Variants in MAMSTR observed in about 807,000 individuals in gnomAD.
The protein encoded by MAMSTR is MEF2-activating motif and SAP domain-containing transcriptional regulator.
A neutral mutation model predicts 42.7 loss-of-function variants in MAMSTR; 41 were observed. The ratio of observed to expected loss-of-function variants is 0.96; its 90% CI spans 0.75 to 1.25. The LOEUF (loss-of-function observed/expected upper bound fraction) is 1.25. Among genes scored for constraint, MAMSTR ranks in the 50% most tolerant of loss-of-function variants. MAMSTR has a pLI of 0.00. For synonymous variants in MAMSTR, 265 were observed against 244.1 expected, an observed-to-expected ratio of 1.09 and a Z score of -0.80; for missense variants, 567 against 557.6, an observed-to-expected ratio of 1.02 and a Z score of -0.17.
intron 3 of MAMSTR, among the ~76,000 whole-genome samples, chr19:48,716,139 A>T (rs2033017496): frequency 6.6e-6 from 1 of 151,914 alleles, no homozygotes; most frequent in South Asian, 2.1e-4. Flanking sequence ...AGTTTGGGAG[A>T]CTGAGGCGGG....
At chr19:48,706,066 A>G in the MAMSTR span, 1 of 151,824 alleles carries the variant, frequency 6.6e-6, no homozygotes, top group South Asian at 2.2e-4. Context: ...CGGGCGGATC[A>G]CCTGAGGTCA....
rs768253167 is a variant in MAMSTR, at chr19:48,713,851, C to A, written c.909+9G>T. On this transcript the variant is annotated intron_variant, in intron 8 of 9. Coordinates refer to ENST00000318083, the MANE Select transcript of MAMSTR (RefSeq NM_001130915.2). ...GAACCCTAGCCGGATTCAACCCACA[C>A]CCTCTTACCTGCGCCCTCCGGATCG... is the stretch of plus-strand genomic sequence containing the variant. 1 of 1,613,948 alleles carries A rather than the reference C, an allele frequency of 6.2e-7. No homozygotes were observed. The highest frequency in any genetic ancestry group is 8.5e-7 in the Non-Finnish European group (1 of 1,179,840).
At chr19:48,709,527 T>G (rs1426746904), downstream of MAMSTR, among the ~76,000 whole-genome samples, 1 of 152,230 alleles carries the variant, frequency 6.6e-6, no homozygotes, top group Non-Finnish European at 1.5e-5. Flanking sequence ...TTGCCAGTTC[T>G]GTGCACCCAG....
At chr19:48,707,863 GAAAGAAAGAAAGAAAGAAAGAAAGA>G (rs2032670958), downstream of MAMSTR, among the ~76,000 whole-genome samples, 2 of 103,522 alleles carry the variant, frequency 1.9e-5, no homozygotes, top group East Asian at 2.1e-4. Context: ...AAGAAAGAAA[GAAAGAAAGAAAGAAAGAAAGAAAGA>G]AAAGAAAGAA....
rs1361666564 is a variant in MAMSTR, at chr19:48,719,275, C to T, written c.-21-223G>A. Among the ~76,000 whole-genome samples the T allele has an allele frequency of 6.6e-6, 1 of 152,114 alleles. No individual in the cohort carries two copies. Among genetic ancestry groups the T allele is most frequent in the Non-Finnish European group, 1.5e-5 (1 of 68,014 alleles). ...AGGAGGAAGCTGGGGACCCAGACAC[C>T]TGGTCTGAAAGACAGGGCTGAGGGT... is the stretch of plus-strand genomic sequence containing the variant. On this transcript the variant is annotated intron_variant, in intron 1 of 9. Coordinates refer to ENST00000318083, the MANE Select transcript of MAMSTR (RefSeq NM_001130915.2). This position sits in a 1 kb window ranked among gnomAD's most constrained non-coding sequence, Gnocchi z 4.4.
chr19:48,711,275 G>A (rs757354253), downstream of MAMSTR, among the ~76,000 whole-genome samples: 2 of 152,122 alleles, frequency 1.3e-5, no homozygotes, highest in African/African-American at 2.4e-5. Flanking sequence ...TAGTTATCCC[G>A]GGGGAGAGGC....
downstream of MAMSTR, among the ~76,000 whole-genome samples, chr19:48,708,773 C>T (rs888246218): frequency 2.1e-4 from 32 of 151,932 alleles, no homozygotes; most frequent in Admixed American, 1.2e-3. Context: ...AGCTGAAAGA[C>T]GAGTGCCCGA....
Position 48,713,985 on chromosome 19 carries a change from T to TC in MAMSTR, c.783dup (p.Thr262AspfsTer46), listed in dbSNP as rs1258804026. ...GGAGTGGGAGTTGGAGCCGGAGCCG[T>TC]CCCCGGGGTATCCGCGGCACGTGGA... On this transcript the variant is annotated frameshift_variant, in exon 8 of 10. Coordinates refer to ENST00000318083, the MANE Select transcript of MAMSTR (RefSeq NM_001130915.2). LOFTEE classifies it high-confidence loss of function. 3.7e-6 allele frequency: 6 copies of TC among 1,612,178 alleles called. No individual in the cohort carries two copies. The highest frequency in any genetic ancestry group is 2.7e-5 in the African/African-American group (2 of 74,838).
Position 48,713,158 on chromosome 19 carries a change from C to G in MAMSTR, c.*109G>C. Reference sequence around the variant, plus strand: ...GGCAGGTGGGGTTGGAGGTTGTCTCCGATCCTGTGTCTGCGGTAGGAGGGG... The same window carrying G: ...GGCAGGTGGGGTTGGAGGTTGTCTCGGATCCTGTGTCTGCGGTAGGAGGGG... On this transcript the variant is annotated 3_prime_UTR_variant, in exon 10 of 10. Transcript: ENST00000318083. 8.8e-7 allele frequency: 1 copy of G among 1,130,502 alleles called. No individual in the cohort carries two copies. The allele number at this position is 1,130,502 out of a possible 1,614,324, so 70.0% of individuals were successfully genotyped here. A position where few individuals can be genotyped will look rare whatever the true frequency, so the allele number is the denominator to read the frequency against.
chr19:48,713,163 C>T lies in MAMSTR; in HGVS notation c.*104G>A, dbSNP rs2032784746. The T allele has an allele frequency of 1.7e-6, 2 of 1,159,342 alleles. No homozygotes were observed. The highest frequency in any genetic ancestry group is 2.9e-5 in the Admixed American group (1 of 34,784). The allele number at this position is 1,159,342 out of a possible 1,614,324, so 71.8% of individuals were successfully genotyped here. A position where few individuals can be genotyped will look rare whatever the true frequency, so the allele number is the denominator to read the frequency against. On this transcript the variant is annotated 3_prime_UTR_variant, in exon 10 of 10. Transcript: ENST00000318083. ...GTGGGGTTGGAGGTTGTCTCCGATC[C>T]TGTGTCTGCGGTAGGAGGGGCTCTG...
rs918110971 is a variant in MAMSTR at position 48,716,592 on chromosome 19, G to A, written c.97+113C>T. 4 of 1,194,564 alleles carry A rather than the reference G, an allele frequency of 3.3e-6. No individual in the cohort carries two copies. The African/African-American group carries it at 6.3e-5, about 19-fold the overall frequency. The allele number at this position is 1,194,564 out of a possible 1,614,324, so 74.0% of individuals were successfully genotyped here. ...GGATGGGATTTTGGTCTGTCCCAGG[G>A]GATGGAGACTGAGCTGCAGGAACCA... On this transcript the variant is annotated intron_variant, in intron 3 of 9. Coordinates refer to ENST00000318083, the MANE Select transcript of MAMSTR (RefSeq NM_001130915.2).
the MAMSTR span, among the ~76,000 whole-genome samples, chr19:48,707,290 C>T: frequency 6.6e-6 from 1 of 151,458 alleles, no homozygotes; most frequent in African/African-American, 2.4e-5. Context: ...GTGGCACGCA[C>T]CTGTAGTCCC....
At chr19:48,717,615 A>C (rs2033094255) in intron 2 of MAMSTR, among the ~76,000 whole-genome samples, 2 of 150,574 alleles carry the variant, frequency 1.3e-5, no homozygotes, top group East Asian at 2.0e-4. Flanking sequence ...GCTCACTGCA[A>C]CCTCTGCCTC....
At chr19:48,707,097 CA>C in the MAMSTR span, among the ~76,000 whole-genome samples, 2 of 151,376 alleles carry the variant, frequency 1.3e-5, no homozygotes, top group Non-Finnish European at 2.9e-5. Context: ...CATAGCAAGA[CA>C]CCATCACTAA....
At chr19:48,715,141 A>C in intron 5 of MAMSTR, 121 bp downstream of exon 5, 1 of 869,214 alleles carries the variant, frequency 1.2e-6, no homozygotes, top group Non-Finnish European at 1.8e-6. Flanking sequence ...TGGACTCTTA[A>C]ACCCTGGGAG....
chr19:48,705,806 T>C, the MAMSTR span: 1 of 165,762 alleles, frequency 6.0e-6, no homozygotes. Context: ...GGTGGGAGGA[T>C]TGCTTGATGC....
chr19:48,718,991 C>G lies in MAMSTR; in HGVS notation c.41G>C (p.Arg14Pro), dbSNP rs761837490. Reference sequence around the variant, plus strand: ...TCTCTCACCAGATCGGAACTTGGAGCGAATGATTTGGGAACGCTGGGAGGA... The same window carrying G: ...TCTCTCACCAGATCGGAACTTGGAGGGAATGATTTGGGAACGCTGGGAGGA... ...AASSQRSQII[R>P]SKFRSVLQLR... The change falls in exon 2 of 10, where the codon CGC becomes CCC. Residue 14 changes from arginine (R) to proline (P), a missense_variant. Arg to Pro is a moderately radical substitution (Grantham distance 103). Coordinates refer to ENST00000318083, the MANE Select transcript of MAMSTR (RefSeq NM_001130915.2). 1.3e-6 allele frequency: 2 copies of G among 1,551,328 alleles called. No individual in the cohort carries two copies. The highest frequency in any genetic ancestry group is 2.0e-5 in the Admixed American group (1 of 50,976).
Position 48,713,019 on chromosome 19 carries a change from G to T in MAMSTR, c.*248C>A, listed in dbSNP as rs1305832167. On this transcript the variant is annotated 3_prime_UTR_variant, in exon 10 of 10. Transcript: ENST00000318083. ...CTCTGAAGGAAGCAGCAAGCAGCTT[G>T]TTTGCCGTGGCCAGCAGCAAAAGAA... 2.0e-5 allele frequency: 9 copies of T among 455,482 alleles called. No individual in the cohort carries two copies. The highest frequency in any genetic ancestry group is 3.1e-5 in the Non-Finnish European group (8 of 259,480). The allele number at this position is 455,482 out of a possible 1,614,324, so 28.2% of individuals were successfully genotyped here.
In MAMSTR at chr19:48,714,471, C is replaced by G. The variant is rs755562142; in HGVS notation, c.618G>C (p.Ala206=). The G allele has an allele frequency of 2.2e-6, 3 of 1,360,572 alleles. No individual in the cohort carries two copies. Among genetic ancestry groups the G allele is most frequent in the Non-Finnish European group, 2.8e-6 (3 of 1,068,304 alleles). The allele number at this position is 1,360,572 out of a possible 1,614,324, so 84.3% of individuals were successfully genotyped here. A position where few individuals can be genotyped will look rare whatever the true frequency, so the allele number is the denominator to read the frequency against. The part of the protein sequence containing the change: ...SMLLERMRGG[A]PPRERPKPRR... ...GCGGCTTCGGCCGCTCGCGGGGCGG[C>G]GCGCCGCCGCGCATGCGCTCCAGGA... Residue 206 remains alanine, a synonymous_variant, in exon 7 of 10, where the codon GCG becomes GCC. Transcript: ENST00000318083.
Sources: gnomAD v4.1 joint callset for allele counts (sites outside exome capture counted in the v4.1 genomes callset) on GRCh38, gnomAD v4.1.1 for gene constraint, Gnocchi (gnomAD v3.1) non-coding constraint, MANE v1.5 for transcripts, NCBI Gene and HGNC (gene_info 2026-07-23, HGNC 2026-07-21) for gene names.